Variants in ANKH observed in about 807,000 individuals in gnomAD.
ANKH encodes the protein mineralization regulator ANKH.
A neutral mutation model predicts 49.0 loss-of-function variants in ANKH; 15 were observed. The ratio of observed to expected loss-of-function variants is 0.31; its 90% CI spans 0.20 to 0.47. ANKH has a LOEUF of 0.47. ANKH is among the 20% of genes least tolerant of loss of function. The pLI is 1.00. For synonymous variants in ANKH, 273 were observed against 260.0 expected (o/e 1.05, Z -0.48); for missense variants, 429 against 652.0 (o/e 0.66, Z 3.72).
intron 1 of ANKH, among the ~76,000 whole-genome samples, chr5:14,808,582 T>A (rs1219359226): frequency 6.6e-6 from 1 of 152,154 alleles, no homozygotes; most frequent in Non-Finnish European, 1.5e-5. Context: ...CTGGCCAACA[T>A]GGTGAAACCC....
In ANKH at chr5:14,745,966, C is replaced by T; in HGVS notation, c.823-4G>A. The T allele has an allele frequency of 6.2e-7, 1 of 1,613,082 alleles. No homozygotes were observed. Among genetic ancestry groups the T allele is most frequent in the Non-Finnish European group, 8.5e-7 (1 of 1,179,116 alleles). On this transcript the variant is annotated splice_polypyrimidine_tract_variant and splice_region_variant and intron_variant, in intron 6 of 11. Transcript: ENST00000284268. The surrounding 1 kb of genome is among the most constrained non-coding windows in gnomAD (Gnocchi z 4.7). ...TGGCTGTCAAAATCGCCACTGCCTGCAACAGGAAGAGGTGGCAGAGTTAGC... is the reference window on the plus strand; with the variant it reads ...TGGCTGTCAAAATCGCCACTGCCTGTAACAGGAAGAGGTGGCAGAGTTAGC...
At chr5:14,862,490 T>C (rs528747585) in intron 1 of ANKH, among the ~76,000 whole-genome samples, 2 of 152,312 alleles carry the variant, frequency 1.3e-5, no homozygotes, top group African/African-American at 4.8e-5. Context: ...CGGCTTGATA[T>C]GAATGACCTA....
chr5:14,831,246 C>A (rs1232327140), intron 1 of ANKH, among the ~76,000 whole-genome samples: 1 of 152,086 alleles, frequency 6.6e-6, no homozygotes, highest in Non-Finnish European at 1.5e-5. Context: ...AGCCAGCCAA[C>A]CCTCTGCATT....
intron 2 of ANKH, among the ~76,000 whole-genome samples, chr5:14,761,130 A>G (rs1029785080): frequency 8.5e-5 from 13 of 152,154 alleles, no homozygotes; most frequent in Non-Finnish European, 1.6e-4. Context: ...AATGCCAAAG[A>G]TTGCCAGCAA....
intron 1 of ANKH, chr5:14,797,408 A>T: frequency 6.2e-7 from 1 of 1,611,044 alleles, no homozygotes; most frequent in Non-Finnish European, 8.5e-7. Flanking sequence ...AAGCTAAAAT[A>T]GTCTCATTGT....
At chr5:14,724,617 T>C (rs1470799421) in intron 8 of ANKH, 1 of 984,222 alleles carries the variant, frequency 1.0e-6, no homozygotes, top group African/African-American at 1.7e-5. Context: ...GAAGGGGGAT[T>C]TGAACCAAGA....
intron 1 of ANKH, among the ~76,000 whole-genome samples, chr5:14,866,959 C>A (rs549192601): frequency 1.3e-5 from 2 of 152,028 alleles, no homozygotes; most frequent in South Asian, 2.1e-4. Context: ...GAGTTGAAGA[C>A]CAGCCTGGGC....
chr5:14,711,404 A>AC lies in ANKH; in HGVS notation c.1366-95dup, dbSNP rs1386208133. 2.7e-5 allele frequency: 29 copies of AC among 1,082,646 alleles called. No individual in the cohort carries two copies. In the East Asian group the frequency reaches 5.7e-4, roughly 21 times the overall value. 67.1% of individuals were successfully genotyped at this position (1,082,646 alleles called of 1,614,324 possible). A position where few individuals can be genotyped will look rare whatever the true frequency, so the allele number is the denominator to read the frequency against. On this transcript the variant is annotated intron_variant, in intron 11 of 11. Coordinates refer to ENST00000284268, the MANE Select transcript of ANKH (RefSeq NM_054027.6). ...GGAGACAACACCGGGGTCTTGGGGG[A>AC]CCCCTCACTGTAGGCTTAAACCTTC... is the stretch of plus-strand genomic sequence containing the variant.
chr5:14,842,117 T>C (rs1374578537), intron 1 of ANKH, among the ~76,000 whole-genome samples: 3 of 152,176 alleles, frequency 2.0e-5, no homozygotes, highest in Non-Finnish European at 2.9e-5. Context: ...GAAAGAGATA[T>C]ATAGGAGGCT....
chr5:14,765,470 G>T (rs985758199), intron 2 of ANKH, among the ~76,000 whole-genome samples: 2 of 152,070 alleles, frequency 1.3e-5, no homozygotes, highest in African/African-American at 4.8e-5. Flanking sequence ...CATCTTTCCC[G>T]CACAATCTCC....
intron 6 of ANKH, among the ~76,000 whole-genome samples, chr5:14,747,514 C>T (rs746559800): frequency 6.6e-6 from 1 of 152,084 alleles, no homozygotes; most frequent in East Asian, 1.9e-4. Context: ...GAGCTGTGAT[C>T]GTGCCACCAC....
intron 1 of ANKH, among the ~76,000 whole-genome samples, chr5:14,825,143 A>C (rs1331433974): frequency 3.9e-5 from 6 of 152,192 alleles, no homozygotes; most frequent in African/African-American, 1.2e-4. Context: ...ACCATTACCA[A>C]GATTTTTAAA....
intron 1 of ANKH, among the ~76,000 whole-genome samples, chr5:14,777,746 G>A (rs1034946448): frequency 2.0e-5 from 3 of 152,146 alleles, no homozygotes; most frequent in African/African-American, 4.8e-5. Flanking sequence ...ACCCCTCCTC[G>A]CTGAGAGGAG....
intron 1 of ANKH, among the ~76,000 whole-genome samples, chr5:14,822,514 A>G (rs2126588038): frequency 6.6e-6 from 1 of 152,332 alleles, no homozygotes; most frequent in East Asian, 1.9e-4. Context: ...CATCGGGCCC[A>G]TCTGCTCAAA....
intron 8 of ANKH, among the ~76,000 whole-genome samples, chr5:14,738,571 C>T (rs1197553117): frequency 1.3e-5 from 2 of 152,156 alleles, no homozygotes; most frequent in Non-Finnish European, 2.9e-5. Context: ...GTGTGCTGCT[C>T]TCAAGCGTTT....
At chr5:14,797,759 T>C (rs1032389898) in intron 1 of ANKH, 2 of 1,610,820 alleles carry the variant, frequency 1.2e-6, no homozygotes, top group African/African-American at 2.7e-5. Context: ...CTACCACTTT[T>C]CCCTCCTTTG....
intron 1 of ANKH, among the ~76,000 whole-genome samples, chr5:14,794,999 G>A (rs1193546922): frequency 6.6e-6 from 1 of 152,228 alleles, no homozygotes; most frequent in Non-Finnish European, 1.5e-5. Context: ...GAAACAATGT[G>A]TGCCTGGCAC....
rs113749524 is a variant in ANKH at position 14,738,339 on chromosome 5, T to A, written c.1011+3488A>T. Among the ~76,000 whole-genome samples, 8 of 152,342 alleles carry A rather than the reference T, an allele frequency of 5.3e-5. 1 individual carries two copies. Among genetic ancestry groups the A allele is most frequent in the Middle Eastern group, 3.4e-3 (1 of 294 alleles). ...GCTGTTCTGAGGGAAGGATGCATTT[T>A]GATTCTGGACAGTATACGTTTTCCT... is the stretch of plus-strand genomic sequence containing the variant. On this transcript the variant is annotated intron_variant, in intron 8 of 11. Transcript: ENST00000284268.
chr5:14,736,506 C>T (rs1047866674), intron 8 of ANKH, among the ~76,000 whole-genome samples: 2 of 152,188 alleles, frequency 1.3e-5, no homozygotes, highest in Admixed American at 6.5e-5. Context: ...GGCAGGGTCC[C>T]AAGGGCTGGG....
Sources: allele counts gnomAD v4.1 joint callset (sites outside exome capture counted in the v4.1 genomes callset), GRCh38; gene constraint gnomAD v4.1.1; non-coding constraint Gnocchi (gnomAD v3.1); transcripts MANE v1.5; gene names NCBI Gene and HGNC (gene_info 2026-07-23, HGNC 2026-07-21).